Variants in TAOK3 observed in about 807,000 individuals in gnomAD.
TAOK3 encodes the protein serine/threonine-protein kinase TAO3.
In TAOK3, 40 loss-of-function variants were observed where a neutral mutation model predicts 120.4. The ratio of observed to expected loss-of-function variants is 0.33; its 90% confidence interval spans 0.26 to 0.43. The LOEUF is 0.43. Among genes scored for constraint, TAOK3 ranks in the 20% least tolerant of loss-of-function variants. The probability of loss-of-function intolerance (pLI) is 1.00; values close to 1 mark genes in which losing one functional copy is unlikely to be tolerated. For synonymous variants in TAOK3, 355 were observed against 387.5 expected, an observed-to-expected ratio of 0.92 and a Z score of 0.99; for missense variants, 821 against 1,112.1, an observed-to-expected ratio of 0.74 and a Z score of 3.72.
At chr12:118,182,996 CTCTT>C (rs2036858760) in intron 14 of TAOK3, among the ~76,000 whole-genome samples, 1 of 152,058 alleles carries the variant, frequency 6.6e-6, no homozygotes, top group East Asian at 1.9e-4. Flanking sequence ...TTTATCTTCT[CTCTT>C]TATTTTCCTG....
rs576814699 is a variant in TAOK3, at chr12:118,169,725, A to C, written c.1899+2732T>G. ...TTTTGATTCCATCATCTTTTCTCTCATATCTTTTTTTTTGAGACGGAGTCT... is the reference window on the plus strand; with the variant it reads ...TTTTGATTCCATCATCTTTTCTCTCCTATCTTTTTTTTTGAGACGGAGTCT... On this transcript the variant is annotated intron_variant, in intron 17 of 20. Transcript: ENST00000392533. Among the ~76,000 whole-genome samples, 53 of 151,022 alleles carry C rather than the reference A, an allele frequency of 3.5e-4. 1 individual carries two copies. Among genetic ancestry groups the C allele is most frequent in the African/African-American group, 1.3e-3 (53 of 41,186 alleles).
intron 13 of TAOK3, among the ~76,000 whole-genome samples, chr12:118,196,610 A>G (rs2037742380): frequency 6.6e-6 from 1 of 152,182 alleles, no homozygotes; most frequent in South Asian, 2.1e-4. Context: ...ATATTTTGGT[A>G]TTTATTAAGC....
intron 11 of TAOK3, among the ~76,000 whole-genome samples, chr12:118,204,016 A>G (rs2038166849): frequency 6.6e-6 from 1 of 152,132 alleles, no homozygotes; most frequent in Non-Finnish European, 1.5e-5. Flanking sequence ...CTGTAATCCC[A>G]GCACTTTGGA....
At chr12:118,170,752 G>C (rs2035951120) in intron 17 of TAOK3, among the ~76,000 whole-genome samples, 2 of 152,164 alleles carry the variant, frequency 1.3e-5, no homozygotes, top group African/African-American at 2.4e-5. Context: ...AACAGAGCGA[G>C]ACTCTGTCTC....
chr12:118,258,753 C>T (rs1400389323), intron 2 of TAOK3, among the ~76,000 whole-genome samples: 2 of 151,402 alleles, frequency 1.3e-5, no homozygotes, highest in African/African-American at 4.8e-5. Context: ...GATTTTATTG[C>T]TTATGTCTGA....
chr12:118,330,777 G>T (rs1473224995), intron 1 of TAOK3, among the ~76,000 whole-genome samples: 3 of 151,116 alleles, frequency 2.0e-5, no homozygotes, highest in Non-Finnish European at 4.4e-5. Context: ...AAAAAAAAAG[G>T]TAGAAAGAGC....
intron 3 of TAOK3, among the ~76,000 whole-genome samples, chr12:118,253,408 A>G (rs1303063137): frequency 6.6e-6 from 1 of 152,166 alleles, no homozygotes; most frequent in Non-Finnish European, 1.5e-5. Flanking sequence ...GCTTTAATGG[A>G]CTATTATGCT....
intron 1 of TAOK3, among the ~76,000 whole-genome samples, chr12:118,341,449 ATTTTG>A (rs919397893): frequency 2.0e-5 from 3 of 152,120 alleles, no homozygotes; most frequent in African/African-American, 7.2e-5. Flanking sequence ...ATCTGTCCAA[ATTTTG>A]TTTTAATGGC....
chr12:118,325,025 C>G (rs540598322), intron 1 of TAOK3, among the ~76,000 whole-genome samples: 2 of 152,088 alleles, frequency 1.3e-5, no homozygotes, highest in African/African-American at 4.8e-5. Context: ...GGATTACAGG[C>G]GTGAGCCACC....
intron 9 of TAOK3, among the ~76,000 whole-genome samples, chr12:118,217,608 C>T (rs1010053816): frequency 6.6e-6 from 1 of 150,722 alleles, no homozygotes; most frequent in East Asian, 2.0e-4. Flanking sequence ...CACTTGAACC[C>T]GGGAGGCGGA....
At position 118,161,902 on chromosome 12, in the gene TAOK3, G is replaced by C; in HGVS notation, c.2025C>G (p.Ile675Met). ...CCAGTTCCGTCTGGTGCTGTAAACG[G>C]ATCAGATCCATGCGTAGCTTCTGTA... The part of the protein sequence containing the change: ...HTLQKLRMDL[I>M]RLQHQTELEN... Residue 675 changes from isoleucine (I) to methionine (M), a missense_variant, in exon 18 of 21, where the codon ATC becomes ATG. Ile to Met is a conservative substitution (Grantham distance 10). This residue lies in a region of TAOK3 where 354 missense variants were observed against 572.1 expected (regional missense o/e 0.62). Transcript: ENST00000392533. This position sits in a 1 kb window ranked among gnomAD's most constrained non-coding sequence, Gnocchi z 4.5. 6.2e-7 allele frequency: 1 copy of C among 1,614,026 alleles called. No homozygotes were observed. The highest frequency in any genetic ancestry group is 8.5e-7 in the Non-Finnish European group (1 of 1,180,020).
intron 1 of TAOK3, among the ~76,000 whole-genome samples, chr12:118,294,486 C>T (rs1044672697): frequency 5.3e-5 from 8 of 152,038 alleles, no homozygotes; most frequent in Middle Eastern, 3.4e-3. Context: ...TGGGTTCAGG[C>T]GACCCTCCAG....
intron 1 of TAOK3, among the ~76,000 whole-genome samples, chr12:118,290,228 G>C (rs1169302190): frequency 2.6e-5 from 4 of 152,090 alleles, no homozygotes; most frequent in African/African-American, 7.2e-5. Context: ...AATCCTCTGC[G>C]ATCTGCTCCT....
At chr12:118,313,258 CTTTTTTA>C (rs2043326474) in intron 1 of TAOK3, among the ~76,000 whole-genome samples, 2 of 151,976 alleles carry the variant, frequency 1.3e-5, no homozygotes, top group East Asian at 1.9e-4. Flanking sequence ...CTTTTCTCTT[CTTTTTTA>C]TTTTTTATTT....
At chr12:118,328,058 T>G (rs1024756847) in intron 1 of TAOK3, among the ~76,000 whole-genome samples, 1 of 124,492 alleles carries the variant, frequency 8.0e-6, no homozygotes, top group Non-Finnish European at 1.7e-5. Flanking sequence ...CAACAGGTAC[T>G]TTTTTTTTTT....
At chr12:118,177,140 G>C (rs1211883080) in intron 16 of TAOK3, 61 bp downstream of exon 16, 28 of 1,537,164 alleles carry the variant, frequency 1.8e-5, no homozygotes, top group Non-Finnish European at 2.3e-5. Context: ...CAAGATGAGT[G>C]AATGTTAAGT....
At chr12:118,188,831 C>A (rs2037233312) in intron 14 of TAOK3, among the ~76,000 whole-genome samples, 1 of 152,246 alleles carries the variant, frequency 6.6e-6, no homozygotes, top group Admixed American at 6.5e-5. Flanking sequence ...TTGGGCAAAA[C>A]AACTAATATT....
At chr12:118,301,573 C>T (rs1490622578) in intron 1 of TAOK3, among the ~76,000 whole-genome samples, 8 of 152,014 alleles carry the variant, frequency 5.3e-5, no homozygotes, top group Non-Finnish European at 7.4e-5. Context: ...CAGCTGGGCA[C>T]GGTGGCTCAC....
intron 1 of TAOK3, among the ~76,000 whole-genome samples, chr12:118,285,120 T>C (rs2042218980): frequency 1.3e-5 from 2 of 152,050 alleles, no homozygotes. Context: ...AATTGCTGAA[T>C]TAATCTATAT....
Sources: allele counts gnomAD v4.1 joint callset (sites outside exome capture counted in the v4.1 genomes callset), GRCh38; gene constraint gnomAD v4.1.1; regional missense constraint gnomAD v4.1.1; non-coding constraint Gnocchi (gnomAD v3.1); transcripts MANE v1.5; gene names NCBI Gene and HGNC (gene_info 2026-07-23, HGNC 2026-07-21).